Variants in TEX15 observed in about 807,000 individuals in gnomAD.
TEX15 encodes testis expressed 15, meiosis and synapsis associated.
A neutral mutation model predicts 237.3 loss-of-function variants in TEX15; 171 were observed. The ratio of observed to expected loss-of-function variants is 0.72; its 90% CI spans 0.64 to 0.82. The LOEUF is 0.82. Among genes scored for constraint, TEX15 ranks in the 40% least tolerant of loss-of-function variants. The pLI is 0.00. For missense variants in TEX15, 3,750 were observed against 3,646.5 expected (o/e 1.03, Z -0.73); for synonymous variants, 1,338 against 1,269.8 (o/e 1.05, Z -1.14).
At position 30,846,386 on chromosome 8, in the gene TEX15, A is replaced by C. The variant is rs1563239883; in HGVS notation, c.3781T>G (p.Leu1261Val). ...GTGACATTAGAAGGTTCAGTAAACA[A>C]AGATTCACTGTTCTGATTTTCAGAC... ...HTSENQNSES[L>V]FTEPSNVTTI... The change falls in exon 8 of 11, where the codon TTG becomes GTG. Residue 1261 changes from leucine (L) to valine (V), a missense_variant. Physicochemically the swap from Leu to Val is conservative, Grantham distance 32. Transcript: ENST00000643185. 9.9e-6 allele frequency: 16 copies of C among 1,613,428 alleles called. No homozygotes were observed. Among genetic ancestry groups the C allele is most frequent in the Non-Finnish European group, 1.4e-5 (16 of 1,179,708 alleles).
At chr8:30,840,222 G>A (rs1453890975) in intron 8 of TEX15, among the ~76,000 whole-genome samples, 1 of 150,520 alleles carries the variant, frequency 6.6e-6, no homozygotes, top group African/African-American at 2.4e-5. Flanking sequence ...TTGAGATGGA[G>A]TCTCATTCTG....
chr8:30,899,157 G>A (rs1019556984), intron 1 of TEX15, among the ~76,000 whole-genome samples: 1 of 152,052 alleles, frequency 6.6e-6, no homozygotes, highest in Admixed American at 6.6e-5. Context: ...CACCTGTAAC[G>A]CAGCACATGA....
At chr8:30,887,949 A>G (rs1250474025) in intron 2 of TEX15, among the ~76,000 whole-genome samples, 1 of 130,066 alleles carries the variant, frequency 7.7e-6, no homozygotes, top group East Asian at 2.5e-4. Context: ...TTTCTAATGC[A>G]TTTTTTCCTC....
chr8:30,844,048 C>T lies in TEX15; in HGVS notation c.6119G>A (p.Cys2040Tyr). ...FVEAFERKQE[C>Y]SVEQILISRE... is the part of the protein sequence containing the mutation. ...TGAAATCAGGATTTGTTCAACTGAA[C>T]ATTCTTGCTTTCTTTCAAAAGCTTC... Residue 2040 changes from cysteine to tyrosine, a missense_variant, in exon 8 of 11, where the codon TGT becomes TAT. Cys to Tyr is a radical substitution (Grantham distance 194). Coordinates refer to ENST00000643185, the MANE Select transcript of TEX15 (RefSeq NM_001350162.2). The T allele has an allele frequency of 1.2e-6, 2 of 1,611,570 alleles. No individual in the cohort carries two copies. Among genetic ancestry groups the T allele is most frequent in the Non-Finnish European group, 1.7e-6 (2 of 1,179,004 alleles).
At chr8:30,856,128 T>C (rs1449632336) in intron 7 of TEX15, among the ~76,000 whole-genome samples, 1 of 152,022 alleles carries the variant, frequency 6.6e-6, no homozygotes, top group Non-Finnish European at 1.5e-5. Flanking sequence ...GTATTTTTAG[T>C]AGAGACAGGG....
rs772672559 is a variant in TEX15, at chr8:30,846,431, T to C, written c.3736A>G (p.Asn1246Asp). Residue 1246 changes from asparagine (N) to aspartate (D), a missense_variant, in exon 8 of 11, where the codon AAT becomes GAT. Physicochemically the swap from Asn to Asp is conservative, Grantham distance 23. Transcript: ENST00000643185. ...EISLSFDLSR[N>D]TDVNHTSENQ... ...TCAGACGTATGATTCACATCTGTAT[T>C]ACGACTCAAGTCAAAAGAAAGGGAG... 1 of 1,613,430 alleles carries C rather than the reference T, an allele frequency of 6.2e-7. No homozygotes were observed. The highest frequency in any genetic ancestry group is 8.5e-7 in the Non-Finnish European group (1 of 1,179,708).
intron 2 of TEX15, among the ~76,000 whole-genome samples, chr8:30,892,313 TTCTGGGC>T (rs1808809858): frequency 6.6e-6 from 1 of 152,228 alleles, no homozygotes; most frequent in African/African-American, 2.4e-5. Flanking sequence ...TATGTATGAA[TTCTGGGC>T]TCTGGGCTCT....
At chr8:30,857,189 G>A (rs979128593) in intron 7 of TEX15, among the ~76,000 whole-genome samples, 1 of 152,136 alleles carries the variant, frequency 6.6e-6, no homozygotes, top group African/African-American at 2.4e-5. Flanking sequence ...ATACATCAGT[G>A]GGAAAAATGG....
rs1807605697 is a variant in TEX15, at chr8:30,846,303, A to G, written c.3864T>C (p.Asp1288=). 2 of 1,612,968 alleles carry G rather than the reference A, an allele frequency of 1.2e-6. No homozygotes were observed. Among genetic ancestry groups the G allele is most frequent in the Non-Finnish European group, 8.5e-7 (1 of 1,179,626 alleles). Residue 1288 remains aspartate, a synonymous_variant, in exon 8 of 11, where the codon GAT becomes GAC. Coordinates refer to ENST00000643185, the MANE Select transcript of TEX15 (RefSeq NM_001350162.2). ...ATTCTACCTCCTTTTTATTTTTGGT[A>G]TCATTATAGTCAGTTTTTGATTTTG... ...FFTKSKTDYN[D]TKNKKEVESR...
intron 9 of TEX15, among the ~76,000 whole-genome samples, chr8:30,838,848 C>T (rs1807380590): frequency 7.1e-6 from 1 of 141,144 alleles, no homozygotes; most frequent in Non-Finnish European, 1.5e-5. Flanking sequence ...CAGAGTCTCA[C>T]TCTGTTGCCC....
intron 1 of TEX15, among the ~76,000 whole-genome samples, chr8:30,912,201 G>A (rs1382436629): frequency 1.3e-5 from 2 of 152,112 alleles, no homozygotes; most frequent in Non-Finnish European, 2.9e-5. Context: ...GGCGGGCATG[G>A]TCCGAGCGCG....
Position 30,837,128 on chromosome 8 carries a change from G to A in TEX15, c.9156C>T (p.Ser3052=). 6.2e-7 allele frequency: 1 copy of A among 1,612,620 alleles called. No homozygotes were observed. Among genetic ancestry groups the A allele is most frequent in the Non-Finnish European group, 8.5e-7 (1 of 1,178,630 alleles). ...ATGTCTGGGTAATGGCATTGCCATT[G>A]CTGTTGCTGTACTGATAAACACACC... ...SAWCVYQYSN[S]NGNAITQTYQ... is the part of the protein sequence containing the mutation. The change falls in exon 10 of 11, where the codon AGC becomes AGT. Residue 3052 remains serine, a synonymous_variant. Coordinates refer to ENST00000643185, the MANE Select transcript of TEX15 (RefSeq NM_001350162.2).
At chr8:30,895,675 G>GTTTTTTTTTTTT (rs1563276129) in intron 2 of TEX15, among the ~76,000 whole-genome samples, 2 of 76,970 alleles carry the variant, frequency 2.6e-5, no homozygotes, top group African/African-American at 2.0e-4. Flanking sequence ...TTAAACACAT[G>GTTTTTTTTTTTT]CTTTTTTTTT....
In TEX15 at chr8:30,848,192, A is replaced by G. The variant is rs747161721; in HGVS notation, c.1975T>C (p.Tyr659His). Reference protein sequence around the residue: ...NETKISPIDNYIVLHQEYKES... With the variant: ...NETKISPIDNHIVLHQEYKES... ...TTGTATTCTTGGTGCAAAACAATGT[A>G]ATTATCTATTGGACTGATTTTTGTT... The change falls in exon 8 of 11, where the codon TAC becomes CAC. Residue 659 changes from tyrosine (Y) to histidine (H), a missense_variant. Coordinates refer to ENST00000643185, the MANE Select transcript of TEX15 (RefSeq NM_001350162.2). 1.2e-6 allele frequency: 2 copies of G among 1,611,712 alleles called. No individual in the cohort carries two copies. The highest frequency in any genetic ancestry group is 2.2e-5 in the South Asian group (2 of 90,342).
intron 2 of TEX15, among the ~76,000 whole-genome samples, chr8:30,897,241 T>C (rs963104008): frequency 1.3e-5 from 2 of 152,242 alleles, no homozygotes; most frequent in African/African-American, 2.4e-5. Flanking sequence ...TAAAGTTGTA[T>C]TGTAAACTGT....
In TEX15 at chr8:30,847,350, T is replaced by C. The variant is rs772915942; in HGVS notation, c.2817A>G (p.Leu939=). The C allele has an allele frequency of 6.2e-7, 1 of 1,613,824 alleles. No individual in the cohort carries two copies. Among genetic ancestry groups the C allele is most frequent in the Non-Finnish European group, 8.5e-7 (1 of 1,179,898 alleles). ...CACTAATGGTATCTTCTTCACTCTC[T>C]AATAATGCAGTTGCTGCTGACACTG... ...DNAVSAATAL[L]ESEEDTISAV... is the part of the protein sequence containing the mutation. Residue 939 remains leucine (L), a synonymous_variant, in exon 8 of 11, where the codon TTA becomes TTG. Coordinates refer to ENST00000643185, the MANE Select transcript of TEX15 (RefSeq NM_001350162.2).
rs1807411856 is a variant in TEX15, at chr8:30,839,929, T to G, written c.8199A>C (p.Glu2733Asp). 6.2e-7 allele frequency: 1 copy of G among 1,601,870 alleles called. No homozygotes were observed. The highest frequency in any genetic ancestry group is 2.3e-5 in the East Asian group (1 of 44,232). ...DMKDVTKINR[E>D]KATFKHPRTT... The stretch of plus-strand genomic sequence containing the variant: ...ACCTTGGATGCTTGAATGTTGCCTT[T>G]TCTCTGTTGATTTTTGTGACATCTT... Residue 2733 changes from glutamate (E) to aspartate (D), a missense_variant, in exon 9 of 11, where the codon GAA becomes GAC. Physicochemically the swap from Glu to Asp is conservative, Grantham distance 45 (BLOSUM62 2). Coordinates refer to ENST00000643185, the MANE Select transcript of TEX15 (RefSeq NM_001350162.2).
intron 3 of TEX15, among the ~76,000 whole-genome samples, chr8:30,877,801 T>C (rs1808431794): frequency 6.6e-6 from 1 of 152,178 alleles, no homozygotes; most frequent in Non-Finnish European, 1.5e-5. Flanking sequence ...GCCACAGACC[T>C]TATTAAGACT....
At chr8:30,870,954 T>C (rs943589440) in intron 4 of TEX15, among the ~76,000 whole-genome samples, 1 of 152,058 alleles carries the variant, frequency 6.6e-6, no homozygotes, top group Non-Finnish European at 1.5e-5. Context: ...CAGAACTGAA[T>C]TACCAGCAAG....
Sources: gnomAD v4.1 joint callset for allele counts (sites outside exome capture counted in the v4.1 genomes callset) on GRCh38, gnomAD v4.1.1 for gene constraint, MANE v1.5 for transcripts, NCBI Gene and HGNC (gene_info 2026-07-23, HGNC 2026-07-21) for gene names.